PKP4: variants seen among roughly 807,000 people sequenced by gnomAD.
PKP4 encodes the protein plakophilin 4, also known as plakophilin-4.
In PKP4, 90 loss-of-function variants were observed where a neutral mutation model predicts 145.1. That is an observed-to-expected ratio of 0.62 (90% CI 0.52 to 0.74). The LOEUF (loss-of-function observed/expected upper bound fraction) is 0.74. Among genes scored for constraint, PKP4 ranks in the 30% least tolerant of loss-of-function variants. The probability of loss-of-function intolerance (pLI) is 0.00; values close to 1 mark genes in which losing one functional copy is unlikely to be tolerated. For synonymous variants in PKP4, 563 were observed against 577.2 expected (o/e 0.98, Z 0.35); for missense variants, 1,340 against 1,482.7 (o/e 0.90, Z 1.58).
At chr2:158,624,616 T>G (rs934211147) in intron 6 of PKP4, among the ~76,000 whole-genome samples, 1 of 149,036 alleles carries the variant, frequency 6.7e-6, no homozygotes, top group African/African-American at 2.5e-5. Context: ...AAAAAAGGAG[T>G]ATTAAATGTC....
At chr2:158,676,345 A>C (rs2058005480) in intron 19 of PKP4, among the ~76,000 whole-genome samples, 1 of 152,242 alleles carries the variant, frequency 6.6e-6, no homozygotes, top group Non-Finnish European at 1.5e-5. Context: ...CTGAACTGGG[A>C]TCATAAAATA....
chr2:158,605,614 C>T (rs1399814099), intron 4 of PKP4, among the ~76,000 whole-genome samples: 1 of 151,874 alleles, frequency 6.6e-6, no homozygotes, highest in Non-Finnish European at 1.5e-5. Context: ...GTATAATATA[C>T]AAATTTCTTT....
At chr2:158,633,721 G>T (rs2053582199) in intron 8 of PKP4, among the ~76,000 whole-genome samples, 1 of 152,086 alleles carries the variant, frequency 6.6e-6, no homozygotes, top group African/African-American at 2.4e-5. Flanking sequence ...TAAATATCTT[G>T]TTTTTACCAC....
chr2:158,460,397 G>A (rs1027891157), intron 1 of PKP4, among the ~76,000 whole-genome samples: 1 of 152,066 alleles, frequency 6.6e-6, no homozygotes, highest in African/African-American at 2.4e-5. Flanking sequence ...CTTGTAAATA[G>A]GCAAAGTAAA....
Position 158,666,496 on chromosome 2 carries a change from A to G in PKP4, c.2661A>G (p.Arg887=). Residue 887 remains arginine (R), a synonymous_variant, in exon 16 of 22, where the codon AGA becomes AGG. Transcript: ENST00000389759. ...AGCTTCTGAGAATGGATAACGATAG[A>G]GTTGTTTCTTCCGTGGCAACAGCCT... The part of the protein sequence containing the change: ...LVELLRMDND[R]VVSSVATALR... 3 of 1,613,768 alleles carry G rather than the reference A, an allele frequency of 1.9e-6. No homozygotes were observed. Among genetic ancestry groups the G allele is most frequent in the Non-Finnish European group, 2.5e-6 (3 of 1,179,850 alleles).
intron 19 of PKP4, among the ~76,000 whole-genome samples, chr2:158,675,750 A>G (rs148837087): frequency 1.3e-5 from 2 of 152,342 alleles, no homozygotes; most frequent in East Asian, 1.9e-4. Flanking sequence ...TTGTCCATAC[A>G]TGCTTACATG....
intron 2 of PKP4, among the ~76,000 whole-genome samples, chr2:158,544,052 A>G (rs1271993200): frequency 2.6e-5 from 4 of 152,200 alleles, no homozygotes; most frequent in Admixed American, 6.6e-5. Flanking sequence ...CACACAATTC[A>G]TAAGCAATCA....
chr2:158,680,601 A>ATTTTT lies in PKP4; in HGVS notation c.3504_3505insTTTTT (p.Val1169PhefsTer3). The ATTTTT allele has an allele frequency of 6.2e-7, 1 of 1,613,996 alleles. No individual in the cohort carries two copies. Among genetic ancestry groups the ATTTTT allele is most frequent in the Non-Finnish European group, 8.5e-7 (1 of 1,179,860 alleles). On this transcript the variant is annotated frameshift_variant, in exon 22 of 22. Coordinates refer to ENST00000389759, the MANE Select transcript of PKP4 (RefSeq NM_003628.6). LOFTEE classifies it high-confidence loss of function. ...TATGGACTGAAATCGACCACAAATTATGTAGACTTTTATTCCACTAAACGA... is the reference window on the plus strand; with the variant it reads ...TATGGACTGAAATCGACCACAAATTATTTTTTGTAGACTTTTATTCCACTAAACGA...
At chr2:158,541,331 A>G (rs1251959807) in intron 2 of PKP4, among the ~76,000 whole-genome samples, 2 of 152,138 alleles carry the variant, frequency 1.3e-5, no homozygotes, top group Admixed American at 6.6e-5. Context: ...CAAAGTGATC[A>G]GATCTGCTTG....
chr2:158,547,255 C>G (rs888116622), intron 2 of PKP4, among the ~76,000 whole-genome samples: 1 of 152,022 alleles, frequency 6.6e-6, no homozygotes, highest in African/African-American at 2.4e-5. Context: ...TCACAAATAC[C>G]CACCAAACTA....
intron 12 of PKP4, chr2:158,660,981 C>T (rs1182194401): frequency 6.1e-6 from 1 of 165,110 alleles, no homozygotes; most frequent in Non-Finnish European, 1.3e-5. Flanking sequence ...TATGTAGCAA[C>T]TCGTTTCTTC....
chr2:158,532,568 G>A (rs763653557), intron 1 of PKP4, among the ~76,000 whole-genome samples: 27 of 152,200 alleles, frequency 1.8e-4, no homozygotes, highest in Admixed American at 5.2e-4. Flanking sequence ...AGGTCAGTAA[G>A]TCTTTTGACA....
At chr2:158,508,366 CAAAAAAAAAA>C (rs747754927) in intron 1 of PKP4, among the ~76,000 whole-genome samples, 1 of 115,888 alleles carries the variant, frequency 8.6e-6, no homozygotes, top group South Asian at 2.5e-4. Context: ...AACTCCGTCT[CAAAAAAAAAA>C]AAAAAAAAAA....
chr2:158,562,400 T>G (rs999717126), intron 2 of PKP4, among the ~76,000 whole-genome samples: 1 of 152,182 alleles, frequency 6.6e-6, no homozygotes, highest in Non-Finnish European at 1.5e-5. Flanking sequence ...AGACAAATAG[T>G]ATATACATAA....
chr2:158,502,661 C>T (rs1268712335), intron 1 of PKP4, among the ~76,000 whole-genome samples: 2 of 152,174 alleles, frequency 1.3e-5, no homozygotes, highest in African/African-American at 4.8e-5. Flanking sequence ...GTCTGTAAAA[C>T]ATAAATTTTC....
Position 158,543,343 on chromosome 2 carries a change from A to G in PKP4, c.132+10027A>G, listed in dbSNP as rs186853224. Among the ~76,000 whole-genome samples, 697 of 152,286 alleles carry G rather than the reference A, an allele frequency of 4.6e-3. 2 individuals are homozygous for G. The highest frequency in any genetic ancestry group is 7.4e-3 in the Non-Finnish European group (500 of 68,024). On this transcript the variant is annotated intron_variant, in intron 2 of 21. Transcript: ENST00000389759. ...GTTTTAGATATGCACATTTGGTTAC[A>G]TTAGTGGTAGAGGCTAAAAAGAGGA...
intron 11 of PKP4, among the ~76,000 whole-genome samples, chr2:158,644,399 A>C (rs1039321991): frequency 1.3e-5 from 2 of 152,152 alleles, no homozygotes; most frequent in Admixed American, 1.3e-4. Flanking sequence ...GGATTCAAGG[A>C]TACTTGAGAT....
At chr2:158,606,817 C>T (rs1191400977) in intron 4 of PKP4, among the ~76,000 whole-genome samples, 1 of 152,148 alleles carries the variant, frequency 6.6e-6, no homozygotes, top group Non-Finnish European at 1.5e-5. Flanking sequence ...TTAAAGCAAA[C>T]ATCCTTGCCC....
At chr2:158,633,203 A>G (rs963108357) in intron 8 of PKP4, among the ~76,000 whole-genome samples, 2 of 152,254 alleles carry the variant, frequency 1.3e-5, no homozygotes, top group South Asian at 2.1e-4. Context: ...GAAATGGCAG[A>G]TGGTACTGAA....
Sources: gnomAD v4.1 joint callset for allele counts (sites outside exome capture counted in the v4.1 genomes callset) on GRCh38, gnomAD v4.1.1 for gene constraint, MANE v1.5 for transcripts, NCBI Gene and HGNC (gene_info 2026-07-23, HGNC 2026-07-21) for gene names.